KCNH5: variants seen among roughly 807,000 people sequenced by gnomAD.
KCNH5 encodes voltage-gated delayed rectifier potassium channel KCNH5.
Under a neutral mutation model 96.1 loss-of-function variants are expected in KCNH5, and 46 were observed. The observed-to-expected ratio is 0.48, with a 90% CI of 0.38 to 0.61. The LOEUF (loss-of-function observed/expected upper bound fraction) is 0.61, where lower values mean the gene tolerates loss of function less well. KCNH5 is among the 20% of genes least tolerant of loss of function. KCNH5 has a pLI of 0.00. For missense variants in KCNH5, 907 were observed against 1,225.8 expected (o/e 0.74, Z 3.88); for synonymous variants, 439 against 449.8 (o/e 0.98, Z 0.30).
intron 9 of KCNH5, among the ~76,000 whole-genome samples, chr14:62,784,360 C>T (rs1886279442): frequency 6.6e-6 from 1 of 152,054 alleles, no homozygotes; most frequent in Non-Finnish European, 1.5e-5. Context: ...GGAGAGACAG[C>T]CAAACCATAT....
At chr14:62,941,076 T>C (rs1349124237) in intron 7 of KCNH5, among the ~76,000 whole-genome samples, 1 of 152,144 alleles carries the variant, frequency 6.6e-6, no homozygotes, top group Non-Finnish European at 1.5e-5. Flanking sequence ...ATTAAAAGGT[T>C]ATTGAGGGCT....
intron 7 of KCNH5, among the ~76,000 whole-genome samples, chr14:62,917,797 A>G (rs1454042098): frequency 6.6e-6 from 1 of 152,126 alleles, no homozygotes; most frequent in African/African-American, 2.4e-5. Context: ...TAACATTCCT[A>G]TGGCTCTTTT....
intron 1 of KCNH5, 89 bp from the exon 2 acceptor site, chr14:63,017,043 A>C: frequency 8.2e-7 from 1 of 1,223,950 alleles, no homozygotes; most frequent in Middle Eastern, 2.0e-4. Flanking sequence ...ACTTATAAAG[A>C]TGGACACATA....
intron 7 of KCNH5, among the ~76,000 whole-genome samples, chr14:62,917,120 T>C (rs946303299): frequency 2.0e-5 from 3 of 152,216 alleles, no homozygotes; most frequent in Non-Finnish European, 4.4e-5. Flanking sequence ...TGAGAGGAGA[T>C]ATATTAGAAA....
At chr14:62,738,293 C>T (rs996158313) in intron 10 of KCNH5, among the ~76,000 whole-genome samples, 1 of 152,052 alleles carries the variant, frequency 6.6e-6, no homozygotes, top group Non-Finnish European at 1.5e-5. Context: ...TTAAAACATA[C>T]AAAATGTTTT....
intron 10 of KCNH5, among the ~76,000 whole-genome samples, chr14:62,763,934 T>C (rs1885806918): frequency 6.6e-6 from 1 of 152,116 alleles, no homozygotes; most frequent in Admixed American, 6.5e-5. Context: ...GACAGATTCA[T>C]ACCCAAATTC....
At chr14:62,784,602 TA>T (rs1032513991) in intron 9 of KCNH5, among the ~76,000 whole-genome samples, 1 of 152,162 alleles carries the variant, frequency 6.6e-6, no homozygotes, top group African/African-American at 2.4e-5. Context: ...ACTGAATTCA[TA>T]AAATACATAC....
intron 7 of KCNH5, among the ~76,000 whole-genome samples, chr14:62,899,770 C>T (rs1888887090): frequency 6.7e-6 from 1 of 150,012 alleles, no homozygotes; most frequent in African/African-American, 2.4e-5. Flanking sequence ...GGAGGCGGAG[C>T]TTGCAGTGAG....
intron 7 of KCNH5, among the ~76,000 whole-genome samples, chr14:62,899,245 T>G (rs1374901150): frequency 6.6e-6 from 1 of 152,082 alleles, no homozygotes; most frequent in African/African-American, 2.4e-5. Flanking sequence ...TAAAAAAATA[T>G]TAAAAATTAA....
chr14:62,864,912 A>C (rs558060044), intron 7 of KCNH5, among the ~76,000 whole-genome samples: 2 of 152,302 alleles, frequency 1.3e-5, no homozygotes, highest in East Asian at 3.9e-4. Flanking sequence ...AGGTCCTGGC[A>C]TTGGGGCACA....
rs372804282 is a variant in KCNH5, at chr14:62,816,850, T to C, written c.1570-14269A>G. 3.4e-3 allele frequency among the ~76,000 whole-genome samples: 507 copies of C among 151,336 alleles called. 2 individuals carry two copies. Among genetic ancestry groups the C allele is most frequent in the Middle Eastern group, 0.017 (5 of 294 alleles). On this transcript the variant is annotated intron_variant, in intron 8 of 10. Transcript: ENST00000322893. ...TTCACTCTTTTTCATTCTTTTTTCTTCTCAAACCGAATATTTTCAAATGAC... is the reference window on the plus strand; with the variant it reads ...TTCACTCTTTTTCATTCTTTTTTCTCCTCAAACCGAATATTTTCAAATGAC...
At chr14:62,973,355 AAT>A (rs1455035689) in intron 6 of KCNH5, among the ~76,000 whole-genome samples, 1 of 152,176 alleles carries the variant, frequency 6.6e-6, no homozygotes, top group Non-Finnish European at 1.5e-5. Flanking sequence ...TGTCCCCTCA[AAT>A]ATATATGTTA....
intron 7 of KCNH5, among the ~76,000 whole-genome samples, chr14:62,853,109 T>C (rs1350767326): frequency 6.6e-6 from 1 of 152,142 alleles, no homozygotes; most frequent in African/African-American, 2.4e-5. Flanking sequence ...ACCTCAAAGT[T>C]ATTCTTAAAT....
At position 62,836,309 on chromosome 14, in the gene KCNH5, G is replaced by C. The variant is rs140607453; in HGVS notation, c.1569+13344C>G. Among the ~76,000 whole-genome samples the C allele has an allele frequency of 1.9e-3, 296 of 152,224 alleles. 2 individuals are homozygous for C. Among genetic ancestry groups the C allele is most frequent in the Middle Eastern group, 6.8e-3 (2 of 294 alleles). On this transcript the variant is annotated intron_variant, in intron 8 of 10. Transcript: ENST00000322893. ...ATTTTTTAAATATTAGAAAAGCCTA[G>C]TATTAATCTGATATTCATCCCAAGT...
rs1177748365 is a variant in KCNH5 at position 62,950,206 on chromosome 14, G to A, written c.1296C>T (p.Thr432=). The change falls in exon 7 of 11, where the codon ACC becomes ACT. Residue 432 remains threonine (T), a synonymous_variant. Transcript: ENST00000322893. ...SLYFTMTSLT[T]IGFGNIAPTT... Reference sequence around the variant, plus strand: ...TAGGAGCTATGTTTCCAAATCCTATGGTTGTAAGGCTTGTCATGGTAAAGT... The same window carrying A: ...TAGGAGCTATGTTTCCAAATCCTATAGTTGTAAGGCTTGTCATGGTAAAGT... 2 of 1,613,734 alleles carry A rather than the reference G, an allele frequency of 1.2e-6. No homozygotes were observed.
intron 8 of KCNH5, among the ~76,000 whole-genome samples, chr14:62,834,568 T>G (rs1887427459): frequency 1.3e-5 from 2 of 151,888 alleles, no homozygotes. Flanking sequence ...CATAAGAGTT[T>G]TGAGATGATG....
At chr14:63,005,304 C>T (rs112331117) in intron 3 of KCNH5, among the ~76,000 whole-genome samples, 4 of 152,204 alleles carry the variant, frequency 2.6e-5, no homozygotes, top group Non-Finnish European at 4.4e-5. Context: ...CAATGTCTCA[C>T]GCTGTTATTC....
intron 7 of KCNH5, among the ~76,000 whole-genome samples, chr14:62,871,609 C>CT (rs1383612590): frequency 6.6e-6 from 1 of 152,106 alleles, no homozygotes; most frequent in Non-Finnish European, 1.5e-5. Flanking sequence ...CACACATTAG[C>CT]TGTGTTGATT....
chr14:63,027,543 A>G (rs1195484627), intron 1 of KCNH5, among the ~76,000 whole-genome samples: 2 of 151,586 alleles, frequency 1.3e-5, no homozygotes, highest in South Asian at 2.1e-4. Context: ...ACTTTAGGGT[A>G]TACTATACCT....
Sources: gnomAD v4.1 joint callset for allele counts (sites outside exome capture counted in the v4.1 genomes callset) on GRCh38, gnomAD v4.1.1 for gene constraint, MANE v1.5 for transcripts, NCBI Gene and HGNC (gene_info 2026-07-23, HGNC 2026-07-21) for gene names.